The following CLASP2 variants were observed in gnomAD, a reference collection of about 807,000 sequenced individuals.
CLASP2 encodes the protein CLIP-associating protein 2.
CLASP2 carries 47 observed loss-of-function variants against 194.4 expected under a neutral mutation model. The ratio of observed to expected loss-of-function variants is 0.24; its 90% CI spans 0.19 to 0.31. CLASP2 has a LOEUF of 0.31. Ranked by LOEUF, CLASP2 falls within the 10% of genes least tolerant of loss-of-function variation. The probability of loss-of-function intolerance (pLI) is 1.00; values close to 1 mark genes in which losing one functional copy is unlikely to be tolerated. For missense variants in CLASP2, 1,445 were observed against 1,823.6 expected, an observed-to-expected ratio of 0.79 and a Z score of 3.78; for synonymous variants, 619 against 633.5, an observed-to-expected ratio of 0.98 and a Z score of 0.34.
intron 16 of CLASP2, among the ~76,000 whole-genome samples, chr3:33,604,509 G>A (rs1263045347): frequency 1.3e-5 from 2 of 151,884 alleles, no homozygotes; most frequent in Admixed American, 6.6e-5. Flanking sequence ...AATAGAGATC[G>A]GGTTTCCCTA....
intron 1 of CLASP2, 148 bp from the exon 2 acceptor site, chr3:33,697,081 G>T: frequency 1.7e-6 from 1 of 582,620 alleles, no homozygotes; most frequent in South Asian, 2.4e-5. Context: ...ACAGTCATGA[G>T]GTTAAGCACC....
chr3:33,578,190 T>G (rs926995954), intron 23 of CLASP2, among the ~76,000 whole-genome samples: 1 of 152,176 alleles, frequency 6.6e-6, no homozygotes, highest in African/African-American at 2.4e-5. Context: ...TTGTTAACAT[T>G]AACATTTTCC....
chr3:33,515,362 C>G (rs1559811251), intron 36 of CLASP2, among the ~76,000 whole-genome samples: 1 of 152,166 alleles, frequency 6.6e-6, no homozygotes, highest in African/African-American at 2.4e-5. Flanking sequence ...GGAACTCTTC[C>G]ATGAAAGCTA....
intron 32 of CLASP2, among the ~76,000 whole-genome samples, chr3:33,539,841 G>A (rs1235272691): frequency 6.6e-6 from 1 of 151,920 alleles, no homozygotes; most frequent in Non-Finnish European, 1.5e-5. Flanking sequence ...TCCCAGTAAT[G>A]GTACTGCTTG....
intron 8 of CLASP2, among the ~76,000 whole-genome samples, chr3:33,633,442 G>C (rs576938666): frequency 2.1e-4 from 32 of 152,302 alleles, no homozygotes; most frequent in African/African-American, 6.7e-4. Flanking sequence ...TTCTCTGGGA[G>C]AAAGTTGTTT....
chr3:33,688,852 G>A (rs192184495), intron 3 of CLASP2, among the ~76,000 whole-genome samples: 161 of 152,034 alleles, frequency 1.1e-3, no homozygotes, highest in African/African-American at 3.5e-3. Context: ...ATTCAGAGAC[G>A]TATTTGGGCA....
At chr3:33,683,764 A>T (rs2090186319) in intron 6 of CLASP2, among the ~76,000 whole-genome samples, 2 of 151,764 alleles carry the variant, frequency 1.3e-5, no homozygotes, top group Non-Finnish European at 1.5e-5. Context: ...CAACATGATG[A>T]AACCGTCTCA....
chr3:33,573,323 T>C lies in CLASP2; in HGVS notation c.2486A>G (p.Tyr829Cys), dbSNP rs762357764. The change falls in exon 25 of 39, where the codon TAT (tyrosine) becomes TGT (cysteine). Residue 829 changes from tyrosine to cysteine, a missense_variant. This residue lies in a region of CLASP2 where 732 missense variants were observed against 987.9 expected (regional missense o/e 0.74). Coordinates refer to ENST00000682230, the MANE Select transcript of CLASP2 (RefSeq NM_001365631.1). ...GGCGTCATCATCTGAATGCATTCCA[T>C]ATGATTCATATCTTCTTCGAGCTGG... The part of the protein sequence containing the change: ...KKPARRRYES[Y>C]GMHSDDDANS... 14 of 1,613,576 alleles carry C rather than the reference T, an allele frequency of 8.7e-6. No individual in the cohort carries two copies. Among genetic ancestry groups the C allele is most frequent in the Non-Finnish European group, 9.3e-6 (11 of 1,179,524 alleles).
At chr3:33,714,340 A>T (rs2093184029) in intron 1 of CLASP2, among the ~76,000 whole-genome samples, 1 of 152,222 alleles carries the variant, frequency 6.6e-6, no homozygotes, top group African/African-American at 2.4e-5. Flanking sequence ...TGAATCTTCA[A>T]TTATGACTTC....
intron 12 of CLASP2, among the ~76,000 whole-genome samples, chr3:33,615,787 T>C (rs970278134): frequency 1.3e-5 from 2 of 151,846 alleles, no homozygotes; most frequent in Non-Finnish European, 2.9e-5. Context: ...GTCATGAAAC[T>C]AAAAAATAAT....
intron 33 of CLASP2, 138 bp downstream of exon 33, chr3:33,538,651 T>C (rs2057819692): frequency 6.6e-6 from 4 of 607,272 alleles, no homozygotes; most frequent in East Asian, 6.0e-5. Context: ...TGGTATGTGG[T>C]AGATACTCAG....
intron 7 of CLASP2, chr3:33,645,296 T>C: frequency 1.3e-6 from 1 of 765,306 alleles, no homozygotes; most frequent in Non-Finnish European, 2.4e-6. Flanking sequence ...ACAGATCCGT[T>C]TGCAAATCAG....
intron 20 of CLASP2, among the ~76,000 whole-genome samples, chr3:33,594,493 T>G (rs957654114): frequency 6.6e-6 from 1 of 152,020 alleles, no homozygotes; most frequent in African/African-American, 2.4e-5. Context: ...CCCCAGTTAC[T>G]GATTCAAAAG....
intron 12 of CLASP2, among the ~76,000 whole-genome samples, chr3:33,616,438 A>G (rs1052937276): frequency 7.9e-4 from 120 of 152,116 alleles, no homozygotes; most frequent in African/African-American, 2.9e-3. Context: ...AACTTAGCCA[A>G]CCGAATCTAG....
chr3:33,673,710 C>G (rs1213336279), intron 6 of CLASP2, among the ~76,000 whole-genome samples: 11 of 152,210 alleles, frequency 7.2e-5, no homozygotes, highest in Admixed American at 3.3e-4. Context: ...CTCACGTGCA[C>G]AGACACACAT....
chr3:33,602,748 C>T (rs898326887), intron 18 of CLASP2: 7 of 683,960 alleles, frequency 1.0e-5, no homozygotes, highest in Non-Finnish European at 1.8e-5. Flanking sequence ...TTTCTTTGAT[C>T]AAGACGATGA....
chr3:33,654,967 G>C (rs2083885845), intron 7 of CLASP2, among the ~76,000 whole-genome samples: 1 of 152,006 alleles, frequency 6.6e-6, no homozygotes, highest in Non-Finnish European at 1.5e-5. Context: ...TCAAGACTTT[G>C]AACAGTCCAA....
intron 5 of CLASP2, among the ~76,000 whole-genome samples, chr3:33,685,486 C>CA (rs1445220643): frequency 2.6e-5 from 4 of 151,724 alleles, no homozygotes; most frequent in African/African-American, 9.7e-5. Flanking sequence ...GGCCTGAACT[C>CA]AAACAGATAC....
At chr3:33,661,713 A>G (rs188497023) in intron 7 of CLASP2, among the ~76,000 whole-genome samples, 1 of 152,192 alleles carries the variant, frequency 6.6e-6, no homozygotes, top group African/African-American at 2.4e-5. Flanking sequence ...CAGGCTAACA[A>G]GTCTAGACCT....
Sources: allele counts gnomAD v4.1 joint callset (sites outside exome capture counted in the v4.1 genomes callset), GRCh38; gene constraint gnomAD v4.1.1; regional missense constraint gnomAD v4.1.1; transcripts MANE v1.5; gene names NCBI Gene and HGNC (gene_info 2026-07-23, HGNC 2026-07-21).